Variants in PXMP4 observed in about 807,000 individuals in gnomAD.
PXMP4 encodes the protein 24 kDa peroxisomal intrinsic membrane protein.
PXMP4 carries 16 observed loss-of-function variants against 21.6 expected under a neutral mutation model. The observed-to-expected ratio is 0.74, with a 90% CI of 0.50 to 1.13. The LOEUF is 1.13. PXMP4 is among the 50% of genes most tolerant of loss of function. PXMP4 has a pLI of 0.00. For missense variants in PXMP4, 240 were observed against 277.7 expected, an observed-to-expected ratio of 0.86 and a Z score of 0.96; for synonymous variants, 127 against 123.8, an observed-to-expected ratio of 1.03 and a Z score of -0.17.
rs1215526257 is a variant in PXMP4 at position 33,707,897 on chromosome 20, C to T, written c.448G>A (p.Glu150Lys). The stretch of plus-strand genomic sequence containing the variant: ...AGCGGGAACGGGTCCCACCTGGGTT[C>T]AGGGATGTAGCCCTTCTCTACAGCC... ...RLAVEKGYIP[E>K]PRWDPFPLLT... Residue 150 changes from glutamate (E) to lysine (K), a missense_variant, in exon 4 of 4, where the codon GAA (glutamate) becomes AAA (lysine). Physicochemically the swap from Glu to Lys is moderately conservative, Grantham distance 56. Coordinates refer to ENST00000409299, the MANE Select transcript of PXMP4 (RefSeq NM_007238.5). The T allele has an allele frequency of 4.3e-6, 7 of 1,614,012 alleles. No individual in the cohort carries two copies. Among genetic ancestry groups the T allele is most frequent in the Non-Finnish European group, 5.9e-6 (7 of 1,180,044 alleles).
chr20:33,713,139 A>G (rs1424134898), intron 2 of PXMP4, among the ~76,000 whole-genome samples: 2 of 152,148 alleles, frequency 1.3e-5, no homozygotes, highest in Non-Finnish European at 2.9e-5. Context: ...ATCTTACAAC[A>G]ATTTCCCATT....
chr20:33,703,666 C>T lies in PXMP4; in HGVS notation c.*4040G>A, dbSNP rs781036806. 4.5e-4 allele frequency: 69 copies of T among 152,556 alleles called. No homozygotes were observed. The highest frequency in any genetic ancestry group is 7.2e-4 in the Non-Finnish European group (49 of 68,154). 9.5% of individuals were successfully genotyped at this position (152,556 alleles called of 1,614,324 possible). On this transcript the variant is annotated 3_prime_UTR_variant, in exon 4 of 4. Transcript: ENST00000409299. ...GTGTTTGAGGCTCAGCCCTGCTGGG[C>T]GGCCCTGGGAGTCAGTGTGGAGCAC... is the stretch of plus-strand genomic sequence containing the variant.
chr20:33,708,376 A>G (rs1440585397), intron 3 of PXMP4, among the ~76,000 whole-genome samples: 1 of 151,608 alleles, frequency 6.6e-6, no homozygotes, highest in Non-Finnish European at 1.5e-5. Flanking sequence ...TAGTAGAGAT[A>G]GGGTTTCAAT....
chr20:33,714,800 C>G, intron 1 of PXMP4, 64 bp from the exon 2 acceptor site: 1 of 1,497,260 alleles, frequency 6.7e-7, no homozygotes, highest in Non-Finnish European at 9.3e-7. Context: ...TTTGGGCTGT[C>G]CTTTTGACCC....
intron 1 of PXMP4, among the ~76,000 whole-genome samples, chr20:33,717,660 T>TAAAAAAA (rs2018398410): frequency 2.4e-4 from 26 of 108,994 alleles, no homozygotes; most frequent in African/African-American, 1.1e-3. Flanking sequence ...AAAAAAAAAT[T>TAAAAAAA]ATTAAATATT....
chr20:33,711,153 G>A (rs957637577), intron 2 of PXMP4, among the ~76,000 whole-genome samples: 1 of 152,130 alleles, frequency 6.6e-6, no homozygotes, highest in African/African-American at 2.4e-5. Context: ...ATGTTTTTTT[G>A]AGTAAACATG....
In PXMP4 at chr20:33,712,782, C is replaced by T. The variant is rs575629214; in HGVS notation, c.176+1892G>A. 5.3e-5 allele frequency among the ~76,000 whole-genome samples: 8 copies of T among 152,350 alleles called. No homozygotes were observed. The South Asian group carries it at 8.3e-4, about 16-fold the overall frequency. ...AGTAGCTGGGACCACAGGTGTGCGCCGCCAAGCCCAGCTAATTTTTGTATT... is the reference window on the plus strand; with the variant it reads ...AGTAGCTGGGACCACAGGTGTGCGCTGCCAAGCCCAGCTAATTTTTGTATT... On this transcript the variant is annotated intron_variant, in intron 2 of 3. Transcript: ENST00000409299.
intron 2 of PXMP4, among the ~76,000 whole-genome samples, chr20:33,714,008 G>A (rs898206235): frequency 3.3e-5 from 5 of 152,110 alleles, no homozygotes; most frequent in East Asian, 3.9e-4. Context: ...GGTGGAGTGC[G>A]AGCCAAAGGC....
Position 33,714,705 on chromosome 20 carries a change from G to A in PXMP4, c.145C>T (p.Leu49=). The change falls in exon 2 of 4, where the codon CTG becomes TTG. Residue 49 remains leucine, a synonymous_variant. Transcript: ENST00000409299. The stretch of plus-strand genomic sequence containing the variant: ...TTCCGGAAGAGAAAGGTCATGACCA[G>A]CGCGTGAGGGGCCCGGATTTTGGCT... ...YGAKIRAPHA[L]VMTFLFRNGS... 1 of 1,614,108 alleles carries A rather than the reference G, an allele frequency of 6.2e-7. No homozygotes were observed. Among genetic ancestry groups the A allele is most frequent in the Non-Finnish European group, 8.5e-7 (1 of 1,180,004 alleles).
rs1200965700 is a variant in PXMP4, at chr20:33,703,205, G to A, written c.*4501C>T. 6.6e-6 allele frequency: 1 copy of A among 152,212 alleles called. No individual in the cohort carries two copies. The highest frequency in any genetic ancestry group is 1.5e-5 in the Non-Finnish European group (1 of 68,042). 9.4% of individuals were successfully genotyped at this position (152,212 alleles called of 1,614,324 possible). A position where few individuals can be genotyped will look rare whatever the true frequency, so the allele number is the denominator to read the frequency against. On this transcript the variant is annotated 3_prime_UTR_variant, in exon 4 of 4. Coordinates refer to ENST00000409299, the MANE Select transcript of PXMP4 (RefSeq NM_007238.5). ...GGCCAAGGTTTCACCTTCAGCTGGG[G>A]GCAGGACAGGCTAAAAGCAGGGTGT...
In PXMP4 at chr20:33,706,845, T is replaced by C. The variant is rs1408584630; in HGVS notation, c.*861A>G. 2 of 152,230 alleles carry C rather than the reference T, an allele frequency of 1.3e-5. No individual in the cohort carries two copies. The highest frequency in any genetic ancestry group is 4.8e-5 in the African/African-American group (2 of 41,458). The allele number at this position is 152,230 out of a possible 1,614,324, so 9.4% of individuals were successfully genotyped here. On this transcript the variant is annotated 3_prime_UTR_variant, in exon 4 of 4. Coordinates refer to ENST00000409299, the MANE Select transcript of PXMP4 (RefSeq NM_007238.5). ...AATATCTAATGATGTTAATTATATGTTGAAATAACTTTTAGAAATTTGTGT... is the reference window on the plus strand; with the variant it reads ...AATATCTAATGATGTTAATTATATGCTGAAATAACTTTTAGAAATTTGTGT...
In PXMP4 at chr20:33,703,831, G is replaced by C. The variant is rs1300941121; in HGVS notation, c.*3875C>G. The C allele has an allele frequency of 6.6e-6, 1 of 152,312 alleles. No individual in the cohort carries two copies. The highest frequency in any genetic ancestry group is 1.5e-5 in the Non-Finnish European group (1 of 68,120). 9.4% of individuals were successfully genotyped at this position (152,312 alleles called of 1,614,324 possible). ...AGGCCTGCCAGAGGCTGGCAAAGGA[G>C]GCACCAGTGACAAGCTAGAGTCCTC... On this transcript the variant is annotated 3_prime_UTR_variant, in exon 4 of 4. Coordinates refer to ENST00000409299, the MANE Select transcript of PXMP4 (RefSeq NM_007238.5).
intron 3 of PXMP4, among the ~76,000 whole-genome samples, chr20:33,708,648 T>C (rs1483390641): frequency 6.6e-6 from 1 of 152,030 alleles, no homozygotes; most frequent in Non-Finnish European, 1.5e-5. Context: ...GCTGGGATTA[T>C]ATGTGACAGC....
chr20:33,715,632 G>A (rs1464982855), intron 1 of PXMP4, among the ~76,000 whole-genome samples: 1 of 151,546 alleles, frequency 6.6e-6, no homozygotes, highest in Non-Finnish European at 1.5e-5. Flanking sequence ...TCTCCATGTT[G>A]GCCAGGCTGG....
At chr20:33,714,094 C>T (rs963592885) in intron 2 of PXMP4, among the ~76,000 whole-genome samples, 10 of 152,202 alleles carry the variant, frequency 6.6e-5, no homozygotes, top group Admixed American at 6.5e-4. Flanking sequence ...GGAATGGCAG[C>T]GAGTTCTGTG....
At chr20:33,713,086 G>A (rs563843895) in intron 2 of PXMP4, among the ~76,000 whole-genome samples, 1 of 152,290 alleles carries the variant, frequency 6.6e-6, no homozygotes, top group East Asian at 1.9e-4. Context: ...TAACTCTCAC[G>A]CTGTTAACAC....
intron 2 of PXMP4, among the ~76,000 whole-genome samples, chr20:33,711,349 G>C (rs2018323973): frequency 1.3e-5 from 2 of 152,176 alleles, no homozygotes. Flanking sequence ...GAGGTCAAGA[G>C]GGGAGGAGAG....
intron 1 of PXMP4, among the ~76,000 whole-genome samples, chr20:33,719,311 G>A (rs955320077): frequency 3.9e-5 from 6 of 152,182 alleles, no homozygotes; most frequent in South Asian, 2.1e-4. Context: ...CAGATCACAC[G>A]GGTAGGTGGG....
chr20:33,707,438 A>C lies in PXMP4; in HGVS notation c.*268T>G. ...CTGAGCTCCTTGACCCCTGAGGCCT[A>C]GAGAGTAGTGTGGCTGGCCCCAGTC... On this transcript the variant is annotated 3_prime_UTR_variant, in exon 4 of 4. Transcript: ENST00000409299. 1 of 455,684 alleles carries C rather than the reference A, an allele frequency of 2.2e-6. No individual in the cohort carries two copies. Among genetic ancestry groups the C allele is most frequent in the Non-Finnish European group, 4.0e-6 (1 of 251,914 alleles). The allele number at this position is 455,684 out of a possible 1,614,324, so 28.2% of individuals were successfully genotyped here. A position where few individuals can be genotyped will look rare whatever the true frequency, so the allele number is the denominator to read the frequency against.
Sources: gnomAD v4.1 joint callset for allele counts (sites outside exome capture counted in the v4.1 genomes callset) on GRCh38, gnomAD v4.1.1 for gene constraint, MANE v1.5 for transcripts, NCBI Gene and HGNC (gene_info 2026-07-23, HGNC 2026-07-21) for gene names.